The following PPP3CA variants were observed in gnomAD, a reference collection of about 807,000 sequenced individuals.
The protein encoded by PPP3CA is protein phosphatase 3 catalytic subunit alpha.
PPP3CA carries 14 observed loss-of-function variants against 66.5 expected under a neutral mutation model. The observed-to-expected ratio is 0.21, with a 90% CI of 0.14 to 0.33. PPP3CA has a LOEUF of 0.33. Ranked by LOEUF, PPP3CA falls within the 10% of genes least tolerant of loss-of-function variation. The pLI is 1.00. For synonymous variants in PPP3CA, 232 were observed against 226.2 expected (o/e 1.03, Z -0.23); for missense variants, 317 against 639.5 (o/e 0.50, Z 5.44).
intron 2 of PPP3CA, among the ~76,000 whole-genome samples, chr4:101,139,926 C>T (rs1025485020): frequency 1.1e-4 from 16 of 148,152 alleles, no homozygotes; most frequent in African/African-American, 3.7e-4. Flanking sequence ...TCTTTAAAAT[C>T]TTTTTTTTTT....
chr4:101,320,152 C>T lies in PPP3CA; in HGVS notation c.58+26587G>A, dbSNP rs139320705. 7.2e-5 allele frequency among the ~76,000 whole-genome samples: 11 copies of T among 151,884 alleles called. No homozygotes were observed. In the East Asian group the frequency reaches 7.7e-4, roughly 11 times the overall value. ...AACTAAGAATTCACACATGCACACG[C>T]GTGTACATGTACTCACACACACACA... On this transcript the variant is annotated intron_variant, in intron 1 of 13. Coordinates refer to ENST00000394854, the MANE Select transcript of PPP3CA (RefSeq NM_000944.5).
At chr4:101,288,289 G>C (rs905504973) in intron 1 of PPP3CA, among the ~76,000 whole-genome samples, 12 of 152,158 alleles carry the variant, frequency 7.9e-5, no homozygotes, top group Non-Finnish European at 1.6e-4. Flanking sequence ...AGAGTCACAG[G>C]TGAAGGACAT....
At chr4:101,274,405 T>C (rs1054659978) in intron 1 of PPP3CA, among the ~76,000 whole-genome samples, 4 of 152,122 alleles carry the variant, frequency 2.6e-5, no homozygotes, top group African/African-American at 9.7e-5. Context: ...TATTGAAGGA[T>C]ATTTCAGCTG....
chr4:101,271,964 G>A (rs773731692), intron 1 of PPP3CA, among the ~76,000 whole-genome samples: 8 of 152,040 alleles, frequency 5.3e-5, no homozygotes, highest in Non-Finnish European at 1.0e-4. Flanking sequence ...TTAGTCATTC[G>A]TAATCATTAT....
intron 3 of PPP3CA, among the ~76,000 whole-genome samples, chr4:101,106,176 C>T (rs1451883797): frequency 4.0e-5 from 6 of 151,320 alleles, no homozygotes; most frequent in South Asian, 2.1e-4. Context: ...TAAAAATTAA[C>T]TGGGCATGGT....
chr4:101,055,710 A>G (rs76385376), intron 10 of PPP3CA, among the ~76,000 whole-genome samples: 2,116 of 152,202 alleles, frequency 0.014, 53 homozygotes, highest in African/African-American at 0.048. Context: ...AGATACACCT[A>G]AATTTTTTAC....
intron 7 of PPP3CA, 111 bp from the exon 8 acceptor site, chr4:101,080,737 C>T (rs1336390978): frequency 1.9e-6 from 1 of 518,816 alleles, no homozygotes; most frequent in Admixed American, 3.7e-5. Flanking sequence ...ATTCAAAGGG[C>T]CTCCAATCAT....
chr4:101,269,299 A>G (rs1213320291), intron 1 of PPP3CA, among the ~76,000 whole-genome samples: 1 of 152,094 alleles, frequency 6.6e-6, no homozygotes, highest in East Asian at 1.9e-4. Context: ...TCCTCAAAAT[A>G]TTCACTAAAT....
intron 12 of PPP3CA, 86 bp from the exon 13 acceptor site, chr4:101,029,281 A>C: frequency 8.2e-7 from 1 of 1,214,074 alleles, no homozygotes; most frequent in East Asian, 2.5e-5. Context: ...TGACCATCAA[A>C]GGAGCTAAGA....
At chr4:101,121,278 T>C (rs1722019008) in intron 2 of PPP3CA, among the ~76,000 whole-genome samples, 1 of 152,140 alleles carries the variant, frequency 6.6e-6, no homozygotes, top group Admixed American at 6.5e-5. Flanking sequence ...AACTGCTTCT[T>C]ATTGAGAAAA....
chr4:101,277,575 C>CACAT (rs1377655569), intron 1 of PPP3CA, among the ~76,000 whole-genome samples: 1 of 152,168 alleles, frequency 6.6e-6, no homozygotes, highest in Non-Finnish European at 1.5e-5. Flanking sequence ...GTCCATCTTG[C>CACAT]ACATTCAACT....
chr4:101,210,277 CA>C (rs1725260734), intron 1 of PPP3CA, among the ~76,000 whole-genome samples: 1 of 152,164 alleles, frequency 6.6e-6, no homozygotes, highest in Admixed American at 6.5e-5. Context: ...CGGCTATAAT[CA>C]ATTACTCAGT....
At chr4:101,127,169 A>G (rs1265990469) in intron 2 of PPP3CA, among the ~76,000 whole-genome samples, 2 of 151,956 alleles carry the variant, frequency 1.3e-5, no homozygotes, top group African/African-American at 4.8e-5. Flanking sequence ...AGCTTTTGTT[A>G]GATCTTCCAC....
At chr4:101,303,546 T>C (rs1280486007) in intron 1 of PPP3CA, among the ~76,000 whole-genome samples, 1 of 152,178 alleles carries the variant, frequency 6.6e-6, no homozygotes, top group East Asian at 1.9e-4. Flanking sequence ...CATCCCATAG[T>C]TTGAATGTAC....
chr4:101,262,172 T>A (rs1374189340), intron 1 of PPP3CA, among the ~76,000 whole-genome samples: 2 of 152,034 alleles, frequency 1.3e-5, no homozygotes, highest in Non-Finnish European at 2.9e-5. Flanking sequence ...AAGTCCCCCC[T>A]CATTTTACTA....
At chr4:101,117,574 T>C (rs771101220) in intron 2 of PPP3CA, among the ~76,000 whole-genome samples, 21 of 151,844 alleles carry the variant, frequency 1.4e-4, no homozygotes, top group Non-Finnish European at 3.1e-4. Context: ...ATAATAAAGA[T>C]GCCTAATTAT....
chr4:101,143,966 T>A (rs1414340606), intron 2 of PPP3CA, among the ~76,000 whole-genome samples: 2 of 152,186 alleles, frequency 1.3e-5, no homozygotes, highest in African/African-American at 2.4e-5. Context: ...TCAAGTCACA[T>A]AAACCAGTCA....
chr4:101,313,628 G>A (rs1315941964), intron 1 of PPP3CA, among the ~76,000 whole-genome samples: 2 of 152,104 alleles, frequency 1.3e-5, no homozygotes, highest in African/African-American at 4.8e-5. Context: ...ACTCCATGTT[G>A]GTTGGTAGTA....
At chr4:101,247,172 T>A (rs1419951974) in intron 1 of PPP3CA, among the ~76,000 whole-genome samples, 1 of 145,280 alleles carries the variant, frequency 6.9e-6, no homozygotes, top group Non-Finnish European at 1.5e-5. Flanking sequence ...TCGTTTTTTC[T>A]TTTTTTTTTT....
Sources: gnomAD v4.1 joint callset for allele counts (sites outside exome capture counted in the v4.1 genomes callset) on GRCh38, gnomAD v4.1.1 for gene constraint, MANE v1.5 for transcripts, NCBI Gene and HGNC (gene_info 2026-07-23, HGNC 2026-07-21) for gene names.